Variants in PTPRT observed in about 807,000 individuals in gnomAD.
The protein encoded by PTPRT is protein tyrosine phosphatase receptor type T, also known as receptor-type tyrosine-protein phosphatase T.
Under a neutral mutation model 176.8 loss-of-function variants are expected in PTPRT, and 56 were observed. The ratio of observed to expected loss-of-function variants is 0.32; its 90% CI spans 0.26 to 0.40. The LOEUF (loss-of-function observed/expected upper bound fraction) is 0.40. Ranked by LOEUF, PTPRT falls within the 10% of genes least tolerant of loss-of-function variation. The pLI is 1.00. For missense variants in PTPRT, 1,540 were observed against 1,908.2 expected (o/e 0.81, Z 3.60); for synonymous variants, 783 against 739.0 (o/e 1.06, Z -0.96).
chr20:42,412,450 C>A (rs987737151), intron 9 of PTPRT, among the ~76,000 whole-genome samples: 1 of 152,184 alleles, frequency 6.6e-6, no homozygotes, highest in African/African-American at 2.4e-5. Context: ...ATGACTGGGA[C>A]TCTTCGATAC....
intron 1 of PTPRT, among the ~76,000 whole-genome samples, chr20:43,079,883 G>C (rs931302563): frequency 1.5e-4 from 23 of 152,244 alleles, no homozygotes; most frequent in African/African-American, 5.1e-4. Context: ...CTTTAGTTTA[G>C]AGTAGTAGCA....
intron 7 of PTPRT, among the ~76,000 whole-genome samples, chr20:42,587,105 G>A (rs2073484430): frequency 6.6e-6 from 1 of 152,180 alleles, no homozygotes; most frequent in Admixed American, 6.5e-5. Flanking sequence ...ATCCAGTACA[G>A]CTGCTGGAAT....
chr20:42,737,219 C>A (rs1162754846), intron 6 of PTPRT, among the ~76,000 whole-genome samples: 1 of 152,166 alleles, frequency 6.6e-6, no homozygotes, highest in Non-Finnish European at 1.5e-5. Context: ...AAATGAGGAA[C>A]ATTTGGATGC....
At chr20:42,728,690 C>T (rs570582972) in intron 6 of PTPRT, among the ~76,000 whole-genome samples, 5 of 152,288 alleles carry the variant, frequency 3.3e-5, no homozygotes, top group East Asian at 3.9e-4. Context: ...CAAAGTCACA[C>T]GGAACTGAGC....
intron 15 of PTPRT, among the ~76,000 whole-genome samples, chr20:42,205,723 C>G (rs1049892846): frequency 6.6e-6 from 1 of 152,110 alleles, no homozygotes; most frequent in Non-Finnish European, 1.5e-5. Flanking sequence ...TAGGGCTCCT[C>G]CTCTGGGCCA....
At chr20:42,918,050 T>C (rs1428904994) in intron 1 of PTPRT, among the ~76,000 whole-genome samples, 1 of 152,088 alleles carries the variant, frequency 6.6e-6, no homozygotes, top group Non-Finnish European at 1.5e-5. Flanking sequence ...GGTGCCTAGG[T>C]CCTCTGATCT....
rs369874902 is a variant in PTPRT, at chr20:42,522,568, C to T, written c.1154-50006G>A. 5.3e-5 allele frequency among the ~76,000 whole-genome samples: 8 copies of T among 152,170 alleles called. No homozygotes were observed. The East Asian group carries it at 1.6e-3, about 30-fold the overall frequency. On this transcript the variant is annotated intron_variant, in intron 7 of 30. Coordinates refer to ENST00000373187, the MANE Select transcript of PTPRT (RefSeq NM_007050.6). ...CTCCGCCTCCCAGGTTCAAGCAATT[C>T]TCCTGCCTCAGCCTCCTGAGTAGCT...
chr20:42,898,725 C>T (rs2079346995), intron 1 of PTPRT, among the ~76,000 whole-genome samples: 1 of 152,164 alleles, frequency 6.6e-6, no homozygotes, highest in African/African-American at 2.4e-5. Context: ...CAGATTCTGT[C>T]TTCTCACGGG....
Position 43,189,460 on chromosome 20 carries a change from C to A in PTPRT, c.88+186G>T, listed in dbSNP as rs2015481556. ...CTGCCGAGGGACGCGAGGGGCCGGG[C>A]TCGCTGGCCGGGGCGCGCGGGGACA... On this transcript the variant is annotated intron_variant, in intron 1 of 30. Coordinates refer to ENST00000373187, the MANE Select transcript of PTPRT (RefSeq NM_007050.6). The surrounding 1 kb of genome is among the most constrained non-coding windows in gnomAD (Gnocchi z 5.0). Among the ~76,000 whole-genome samples, 1 of 151,776 alleles carries A rather than the reference C, an allele frequency of 6.6e-6. No individual in the cohort carries two copies. The highest frequency in any genetic ancestry group is 6.5e-5 in the Admixed American group (1 of 15,274).
chr20:42,299,857 C>T (rs924317805), intron 12 of PTPRT, among the ~76,000 whole-genome samples: 2 of 151,452 alleles, frequency 1.3e-5, no homozygotes, highest in African/African-American at 4.8e-5. Flanking sequence ...CCATGTTGGC[C>T]AAAATGGTCT....
chr20:42,691,734 C>G lies in PTPRT; in HGVS notation c.860-13575G>C, dbSNP rs186908285. 3.6e-3 allele frequency among the ~76,000 whole-genome samples: 550 copies of G among 152,236 alleles called. 1 individual carries two copies. Among genetic ancestry groups the G allele is most frequent in the Middle Eastern group, 6.8e-3 (2 of 294 alleles). On this transcript the variant is annotated intron_variant, in intron 6 of 30. Transcript: ENST00000373187. ...TCTTTGGGAAAGGACTTCGAAACAA[C>G]ACAATTCTGCAAGGTCCCATAGACC...
Position 42,551,847 on chromosome 20 carries a change from C to G in PTPRT, c.1154-79285G>C, listed in dbSNP as rs2072776528. 2.0e-5 allele frequency among the ~76,000 whole-genome samples: 3 copies of G among 152,166 alleles called. 1 individual carries two copies. The highest frequency in any genetic ancestry group is 4.1e-4 in the South Asian group (2 of 4,834). ...TGAGTACTTTGTTTTCCTGGACCTTCCCCATTCCTTGCTTGTTTGTTTTCC... is the reference window on the plus strand; with the variant it reads ...TGAGTACTTTGTTTTCCTGGACCTTGCCCATTCCTTGCTTGTTTGTTTTCC... On this transcript the variant is annotated intron_variant, in intron 7 of 30. Transcript: ENST00000373187.
the PTPRT span, among the ~76,000 whole-genome samples, chr20:42,061,215 C>T: frequency 6.6e-6 from 1 of 152,164 alleles, no homozygotes; most frequent in Admixed American, 6.5e-5. Context: ...TCATGTGGAA[C>T]TCGGTGATCC....
intron 14 of PTPRT, among the ~76,000 whole-genome samples, chr20:42,247,140 G>A (rs1405791700): frequency 2.6e-5 from 4 of 152,208 alleles, no homozygotes; most frequent in Non-Finnish European, 5.9e-5. Flanking sequence ...CAGAAAATCA[G>A]TAGATGGAGG....
intron 2 of PTPRT, among the ~76,000 whole-genome samples, chr20:42,836,298 C>A (rs2078179860): frequency 1.3e-5 from 2 of 152,152 alleles, no homozygotes. Flanking sequence ...TTTGTTCTCT[C>A]AACTGCCCAC....
chr20:43,056,977 C>T (rs3091846), intron 1 of PTPRT, among the ~76,000 whole-genome samples: 151,882 of 152,010 alleles, frequency 1, 75,877 homozygotes, highest in Middle Eastern at 1. Context: ...ATGCAACAAC[C>T]TTGATGAATC....
At chr20:42,716,056 C>T (rs75043818) in intron 6 of PTPRT, among the ~76,000 whole-genome samples, 1,696 of 152,170 alleles carry the variant, frequency 0.011, 29 homozygotes, top group African/African-American at 0.039. Flanking sequence ...TATTGCACTT[C>T]TGTTGTAAGA....
intron 7 of PTPRT, among the ~76,000 whole-genome samples, chr20:42,652,670 G>A (rs1013846639): frequency 3.3e-5 from 5 of 152,096 alleles, no homozygotes; most frequent in African/African-American, 9.7e-5. Flanking sequence ...TGCCTATGGT[G>A]CCTCTGATAG....
chr20:42,368,865 A>G lies in PTPRT; in HGVS notation c.1561-16580T>C, dbSNP rs544754315. 2.6e-5 allele frequency among the ~76,000 whole-genome samples: 4 copies of G among 152,304 alleles called. No homozygotes were observed. In the East Asian group the frequency reaches 5.8e-4, roughly 22 times the overall value. On this transcript the variant is annotated intron_variant, in intron 9 of 30. Coordinates refer to ENST00000373187, the MANE Select transcript of PTPRT (RefSeq NM_007050.6). Reference sequence around the variant, plus strand: ...TGGCTTCTTGCCTTATCGCTGTCTCACTGGGTTCACTGTTAGCCTCAGAGG... The same window carrying G: ...TGGCTTCTTGCCTTATCGCTGTCTCGCTGGGTTCACTGTTAGCCTCAGAGG...
Sources: gnomAD v4.1 joint callset for allele counts (sites outside exome capture counted in the v4.1 genomes callset) on GRCh38, gnomAD v4.1.1 for gene constraint, Gnocchi (gnomAD v3.1) non-coding constraint, MANE v1.5 for transcripts, NCBI Gene and HGNC (gene_info 2026-07-23, HGNC 2026-07-21) for gene names.